The following SGCZ variants were observed in gnomAD, a reference collection of about 807,000 sequenced individuals.
The protein encoded by SGCZ is sarcoglycan zeta, also known as zeta-sarcoglycan.
Under a neutral mutation model 41.3 loss-of-function variants are expected in SGCZ, and 40 were observed. That is an observed-to-expected ratio of 0.97 (90% CI 0.75 to 1.26). The LOEUF is 1.26. Among genes scored for constraint, SGCZ ranks in the 50% most tolerant of loss-of-function variants. SGCZ has a pLI of 0.00. For synonymous variants in SGCZ, 206 were observed against 137.5 expected, an observed-to-expected ratio of 1.50 and a Z score of -3.49; for missense variants, 552 against 369.8, an observed-to-expected ratio of 1.49 and a Z score of -4.04.
intron 2 of SGCZ, among the ~76,000 whole-genome samples, chr8:14,534,520 A>G (rs1803235176): frequency 1.3e-5 from 2 of 151,962 alleles, no homozygotes; most frequent in Admixed American, 1.3e-4. Context: ...ATATATGAGG[A>G]GCATTTTACA....
chr8:15,169,164 C>T (rs1799754951), intron 1 of SGCZ, among the ~76,000 whole-genome samples: 2 of 152,158 alleles, frequency 1.3e-5, no homozygotes, highest in African/African-American at 4.8e-5. Flanking sequence ...TGCCGCTTCC[C>T]CCAAAACAGC....
intron 1 of SGCZ, among the ~76,000 whole-genome samples, chr8:14,593,922 C>T (rs936342404): frequency 1.1e-4 from 17 of 152,002 alleles, no homozygotes; most frequent in African/African-American, 4.1e-4. Context: ...TGCCTATAAT[C>T]CCCGCACTTT....
rs1243390655 is a variant in SGCZ at position 14,241,567 on chromosome 8, T to G, written c.337-3888A>C. On this transcript the variant is annotated intron_variant, in intron 3 of 7. Transcript: ENST00000382080. The stretch of plus-strand genomic sequence containing the variant: ...CTTTTTTTTTTGGAAAAAGAAAATC[T>G]TTATCTTCTGATGTAGTTATTTTTC... Among the ~76,000 whole-genome samples the G allele has an allele frequency of 2.0e-5, 3 of 150,944 alleles. No homozygotes were observed. In the Admixed American group the frequency reaches 2.0e-4, roughly 10 times the overall value.
chr8:14,606,299 T>G (rs142815849), intron 1 of SGCZ, among the ~76,000 whole-genome samples: 1 of 151,716 alleles, frequency 6.6e-6, no homozygotes, highest in Non-Finnish European at 1.5e-5. Flanking sequence ...TATTCACTAA[T>G]AGCTTTCTGT....
chr8:15,115,741 C>T (rs1320555013), intron 1 of SGCZ, among the ~76,000 whole-genome samples: 1 of 152,096 alleles, frequency 6.6e-6, no homozygotes. Flanking sequence ...CTATTGAATA[C>T]TTTTTTGGAA....
intron 1 of SGCZ, among the ~76,000 whole-genome samples, chr8:15,128,658 G>C (rs1015681980): frequency 1.3e-5 from 2 of 152,144 alleles, no homozygotes; most frequent in African/African-American, 4.8e-5. Flanking sequence ...CCCATAGTTT[G>C]TGTTCTGTGA....
chr8:15,101,310 G>C (rs770881327), intron 1 of SGCZ, among the ~76,000 whole-genome samples: 6 of 152,092 alleles, frequency 3.9e-5, no homozygotes, highest in Non-Finnish European at 8.8e-5. Flanking sequence ...AAAAGTCAAA[G>C]ACTGGGAGAA....
chr8:14,525,016 C>T (rs576017381), intron 2 of SGCZ, among the ~76,000 whole-genome samples: 1 of 151,948 alleles, frequency 6.6e-6, no homozygotes, highest in African/African-American at 2.4e-5. Flanking sequence ...GAGGTTTTGT[C>T]CTTTATTCAC....
At chr8:14,798,756 G>T (rs571440049) in intron 1 of SGCZ, among the ~76,000 whole-genome samples, 80 of 152,004 alleles carry the variant, frequency 5.3e-4, no homozygotes, top group Admixed American at 1.6e-3. Flanking sequence ...TGTAATTTAA[G>T]ACAGCATGTA....
In SGCZ at chr8:14,974,671, C is replaced by T. The variant is rs543821904; in HGVS notation, c.39+262914G>A. Among the ~76,000 whole-genome samples, 9 of 152,242 alleles carry T rather than the reference C, an allele frequency of 5.9e-5. No homozygotes were observed. In the South Asian group the frequency reaches 1.0e-3, roughly 18 times the overall value. ...GTGTAAACAAATGTGAGAACCGCTG[C>T]ACTGAACTCTGTATTAAGAACTCTT... is the stretch of plus-strand genomic sequence containing the variant. On this transcript the variant is annotated intron_variant, in intron 1 of 7. Transcript: ENST00000382080.
intron 1 of SGCZ, among the ~76,000 whole-genome samples, chr8:14,629,825 A>G (rs117638587): frequency 2.0e-5 from 3 of 152,088 alleles, no homozygotes; most frequent in Admixed American, 2.0e-4. Flanking sequence ...TCATGACTCA[A>G]AGAGCTCCTT....
intron 1 of SGCZ, among the ~76,000 whole-genome samples, chr8:15,206,747 G>C (rs1355202215): frequency 6.6e-6 from 1 of 151,874 alleles, no homozygotes; most frequent in Non-Finnish European, 1.5e-5. Context: ...GCACCCAGCC[G>C]GGCAGAGTCT....
intron 1 of SGCZ, among the ~76,000 whole-genome samples, chr8:14,905,481 T>C (rs1479765132): frequency 1.3e-5 from 2 of 152,040 alleles, no homozygotes; most frequent in Non-Finnish European, 2.9e-5. Context: ...TCATTGGAAT[T>C]GAAACTTGGA....
chr8:14,545,715 A>G (rs1042295657), intron 2 of SGCZ, among the ~76,000 whole-genome samples: 4 of 152,148 alleles, frequency 2.6e-5, no homozygotes, highest in African/African-American at 9.6e-5. Flanking sequence ...GCACTAAACT[A>G]AAGTTCCCCA....
At chr8:14,552,232 C>T (rs1803893605) in intron 2 of SGCZ, among the ~76,000 whole-genome samples, 1 of 152,040 alleles carries the variant, frequency 6.6e-6, no homozygotes. Flanking sequence ...ATTTCACACC[C>T]TTCAAGTATA....
chr8:14,935,169 TA>T (rs1800044084), intron 1 of SGCZ, among the ~76,000 whole-genome samples: 1 of 151,796 alleles, frequency 6.6e-6, no homozygotes, highest in South Asian at 2.1e-4. Context: ...AAGTAGATGT[TA>T]ATGTCTTATT....
chr8:14,595,601 T>C (rs1805385759), intron 1 of SGCZ, among the ~76,000 whole-genome samples: 1 of 152,178 alleles, frequency 6.6e-6, no homozygotes, highest in Non-Finnish European at 1.5e-5. Context: ...CTTGAACTAA[T>C]TCCCAGTTTG....
At chr8:15,142,025 G>C (rs1247218884) in intron 1 of SGCZ, among the ~76,000 whole-genome samples, 1 of 152,190 alleles carries the variant, frequency 6.6e-6, no homozygotes, top group East Asian at 1.9e-4. Context: ...CAATTGGAAA[G>C]ACCGAGTAGG....
intron 4 of SGCZ, among the ~76,000 whole-genome samples, chr8:14,209,490 G>A (rs1243717791): frequency 6.6e-6 from 1 of 152,048 alleles, no homozygotes; most frequent in Non-Finnish European, 1.5e-5. Flanking sequence ...GATCAGGAGT[G>A]TGGAAAGAGT....
Sources: gnomAD v4.1 joint callset for allele counts (sites outside exome capture counted in the v4.1 genomes callset) on GRCh38, gnomAD v4.1.1 for gene constraint, MANE v1.5 for transcripts, NCBI Gene and HGNC (gene_info 2026-07-23, HGNC 2026-07-21) for gene names.